LRRC40: variants seen among roughly 807,000 people sequenced by gnomAD.
LRRC40 encodes the protein leucine rich repeat containing 40.
In LRRC40, 76 loss-of-function variants were observed where a neutral mutation model predicts 72.8. The ratio of observed to expected loss-of-function variants is 1.04; its 90% CI spans 0.87 to 1.26. LRRC40 has a LOEUF of 1.26. Ranked by LOEUF, LRRC40 falls within the 50% of genes most tolerant of loss-of-function variation. LRRC40 has a pLI of 0.00. For synonymous variants in LRRC40, 243 were observed against 254.2 expected, an observed-to-expected ratio of 0.96 and a Z score of 0.42; for missense variants, 684 against 698.9, an observed-to-expected ratio of 0.98 and a Z score of 0.24.
intron 5 of LRRC40, among the ~76,000 whole-genome samples, chr1:70,179,257 G>A (rs1035257374): frequency 6.6e-6 from 1 of 152,046 alleles, no homozygotes; most frequent in East Asian, 1.9e-4. Flanking sequence ...CGAGGTGGGC[G>A]GATCACTTGA....
intron 9 of LRRC40, among the ~76,000 whole-genome samples, chr1:70,161,074 C>T (rs564508869): frequency 2.6e-5 from 4 of 150,960 alleles, no homozygotes; most frequent in East Asian, 2.0e-4. Context: ...TAAGCAAGAA[C>T]GCAGATATCT....
chr1:70,155,499 G>A (rs1667618087), intron 11 of LRRC40, among the ~76,000 whole-genome samples, 190 bp downstream of exon 11: 1 of 151,854 alleles, frequency 6.6e-6, no homozygotes, highest in Admixed American at 6.6e-5. Context: ...ATACCTCTCA[G>A]AACAAATGAT....
intron 6 of LRRC40, among the ~76,000 whole-genome samples, chr1:70,177,954 T>C (rs1356103581): frequency 1.3e-5 from 2 of 152,212 alleles, no homozygotes; most frequent in East Asian, 3.8e-4. Context: ...ATTTAATTAA[T>C]AGTAAACACA....
intron 6 of LRRC40, 96 bp from the exon 7 acceptor site, chr1:70,176,078 G>T: frequency 1.6e-6 from 1 of 644,122 alleles, no homozygotes. Flanking sequence ...TCAAGTGATT[G>T]AAAAACACAT....
chr1:70,195,607 T>C (rs1379294120), intron 1 of LRRC40, among the ~76,000 whole-genome samples: 2 of 152,176 alleles, frequency 1.3e-5, no homozygotes. Flanking sequence ...GGAAACAGTT[T>C]GGTGAATTCT....
Position 70,148,467 on chromosome 1 carries a change from C to A in LRRC40, c.1703+20G>T, listed in dbSNP as rs940988210. On this transcript the variant is annotated intron_variant, in intron 14 of 14. Transcript: ENST00000370952. ...AATCAATAAAATAAATGAAACAATG[C>A]AGTAGAATGGTGTAGTTACCTTAAG... is the stretch of plus-strand genomic sequence containing the variant. 6.4e-6 allele frequency: 10 copies of A among 1,550,916 alleles called. No homozygotes were observed. The highest frequency in any genetic ancestry group is 7.9e-6 in the Non-Finnish European group (9 of 1,132,702).
intron 10 of LRRC40, among the ~76,000 whole-genome samples, chr1:70,158,452 T>C (rs1433570047): frequency 6.6e-6 from 1 of 152,182 alleles, no homozygotes; most frequent in East Asian, 1.9e-4. Flanking sequence ...AATGAACCAA[T>C]TGCTACAAAA....
chr1:70,167,280 C>T (rs1667903954), intron 9 of LRRC40, among the ~76,000 whole-genome samples: 1 of 151,462 alleles, frequency 6.6e-6, no homozygotes, highest in African/African-American at 2.4e-5. Flanking sequence ...GAATACTGAG[C>T]TGAGCGTGGT....
At chr1:70,171,711 T>C (rs1571461295) in intron 9 of LRRC40, among the ~76,000 whole-genome samples, 1 of 152,078 alleles carries the variant, frequency 6.6e-6, no homozygotes, top group Admixed American at 6.6e-5. Flanking sequence ...CAAATGTTGA[T>C]GAGGGGAATC....
At chr1:70,187,714 C>T (rs1668395504) in intron 2 of LRRC40, among the ~76,000 whole-genome samples, 1 of 152,018 alleles carries the variant, frequency 6.6e-6, no homozygotes, top group African/African-American at 2.4e-5. Context: ...ACCTGTAGCC[C>T]CATCTACTCA....
intron 1 of LRRC40, among the ~76,000 whole-genome samples, chr1:70,200,096 G>A (rs912371972): frequency 2.6e-5 from 4 of 152,048 alleles, no homozygotes; most frequent in Non-Finnish European, 4.4e-5. Flanking sequence ...CTAAGAGCAA[G>A]AATCAACAGA....
At chr1:70,158,356 T>G (rs965645119) in intron 10 of LRRC40, among the ~76,000 whole-genome samples, 45 of 152,272 alleles carry the variant, frequency 3.0e-4, no homozygotes, top group African/African-American at 8.7e-4. Flanking sequence ...CATACACTGA[T>G]GTTGGCTGTG....
chr1:70,161,013 T>C (rs1445916741), intron 9 of LRRC40, among the ~76,000 whole-genome samples: 2 of 151,596 alleles, frequency 1.3e-5, no homozygotes, highest in Non-Finnish European at 2.9e-5. Flanking sequence ...AAAAAAGTTG[T>C]AATTGTACAA....
rs551054422 is a variant in LRRC40, at chr1:70,175,731, GT to G, written c.977+78del. The G allele has an allele frequency of 2.0e-4, 220 of 1,100,346 alleles. No individual in the cohort carries two copies. In the African/African-American group the frequency reaches 3.5e-3, roughly 17 times the overall value. 68.2% of individuals were successfully genotyped at this position (1,100,346 alleles called of 1,614,324 possible). ...CAATTTAGAAAAAAGGAACCTCTTG[GT>G]TTTTTAACAAATATTTCAAATTATG... On this transcript the variant is annotated intron_variant, in intron 7 of 14. Coordinates refer to ENST00000370952, the MANE Select transcript of LRRC40 (RefSeq NM_017768.5).
intron 9 of LRRC40, among the ~76,000 whole-genome samples, chr1:70,163,806 T>C (rs1299116602): frequency 6.6e-6 from 1 of 152,186 alleles, no homozygotes; most frequent in Admixed American, 6.5e-5. Flanking sequence ...AGAGCTTGAA[T>C]AAAGGCAATG....
chr1:70,164,676 C>T (rs1667841203), intron 9 of LRRC40, among the ~76,000 whole-genome samples: 1 of 152,102 alleles, frequency 6.6e-6, no homozygotes, highest in Non-Finnish European at 1.5e-5. Context: ...CTTAACATTC[C>T]AACTTGAGAT....
At chr1:70,193,981 A>C (rs1668556144) in intron 1 of LRRC40, among the ~76,000 whole-genome samples, 1 of 152,054 alleles carries the variant, frequency 6.6e-6, no homozygotes, top group Non-Finnish European at 1.5e-5. Context: ...CTAACACCAT[A>C]CTTAATGGTG....
chr1:70,160,329 C>A (rs1667729284), intron 9 of LRRC40, among the ~76,000 whole-genome samples: 1 of 152,184 alleles, frequency 6.6e-6, no homozygotes, highest in Non-Finnish European at 1.5e-5. Context: ...AAGTATATTT[C>A]TCTTGCATTG....
intron 14 of LRRC40, 115 bp from the exon 15 acceptor site, chr1:70,146,020 T>C: frequency 3.6e-6 from 2 of 558,364 alleles, no homozygotes; most frequent in East Asian, 3.1e-5. Flanking sequence ...TATTTGCCCC[T>C]TTTTATTTTT....
Sources: allele counts gnomAD v4.1 joint callset (sites outside exome capture counted in the v4.1 genomes callset), GRCh38; gene constraint gnomAD v4.1.1; transcripts MANE v1.5; gene names NCBI Gene and HGNC (gene_info 2026-07-23, HGNC 2026-07-21).